Variants in TTLL5 observed in about 807,000 individuals in gnomAD.
TTLL5 encodes tubulin tyrosine ligase like 5.
In TTLL5, 132 loss-of-function variants were observed where a neutral mutation model predicts 168.4. That is an observed-to-expected ratio of 0.78 (90% CI 0.68 to 0.91). The LOEUF (loss-of-function observed/expected upper bound fraction) is 0.91, where lower values mean the gene tolerates loss of function less well. Among genes scored for constraint, TTLL5 ranks in the 40% least tolerant of loss-of-function variants. The pLI, the probability that TTLL5 is intolerant of heterozygous loss-of-function variation, is 0.00. For missense variants in TTLL5, 1,545 were observed against 1,581.5 expected (o/e 0.98, Z 0.39); for synonymous variants, 546 against 558.6 (o/e 0.98, Z 0.32).
intron 28 of TTLL5, among the ~76,000 whole-genome samples, chr14:75,847,194 G>C (rs932851578): frequency 6.6e-6 from 1 of 151,912 alleles, no homozygotes; most frequent in Non-Finnish European, 1.5e-5. Context: ...GTAGAGATGG[G>C]ATTTCACCAT....
At chr14:75,796,975 A>G (rs1002256060) in intron 27 of TTLL5, among the ~76,000 whole-genome samples, 30 of 151,736 alleles carry the variant, frequency 2.0e-4, no homozygotes, top group Non-Finnish European at 4.0e-4. Flanking sequence ...TGATGATGGT[A>G]TTAAATTGCA....
chr14:75,863,952 T>C, intron 29 of TTLL5, 90 bp downstream of exon 29: 2 of 1,214,454 alleles, frequency 1.6e-6, no homozygotes, highest in Non-Finnish European at 1.1e-6. Context: ...GAATGAGAAA[T>C]GTAGGATTAG....
chr14:75,809,105 C>T (rs1893828238), intron 27 of TTLL5, among the ~76,000 whole-genome samples: 1 of 151,934 alleles, frequency 6.6e-6, no homozygotes, highest in South Asian at 2.1e-4. Flanking sequence ...TGAAGTGATT[C>T]TTAACCTTTT....
intron 5 of TTLL5, chr14:75,684,958 A>G (rs916464126): frequency 6.6e-6 from 1 of 152,218 alleles, no homozygotes; most frequent in Admixed American, 6.5e-5. Context: ...TTTTCTGTAC[A>G]TACGTTAACT....
intron 12 of TTLL5, among the ~76,000 whole-genome samples, chr14:75,721,100 T>C (rs1419140501): frequency 6.6e-6 from 1 of 152,188 alleles, no homozygotes; most frequent in African/African-American, 2.4e-5. Context: ...CATTTTCCGA[T>C]GACTCCTCCT....
chr14:75,919,197 CAA>C (rs10655974), intron 31 of TTLL5, among the ~76,000 whole-genome samples: 13 of 56,104 alleles, frequency 2.3e-4, no homozygotes, highest in South Asian at 1.3e-3. Context: ...AAGACCGTCT[CAA>C]AAAAAAAAAA....
chr14:75,908,478 G>A (rs2140104770), intron 31 of TTLL5, among the ~76,000 whole-genome samples: 1 of 152,360 alleles, frequency 6.6e-6, no homozygotes, highest in South Asian at 2.1e-4. Context: ...GTCATCACCG[G>A]CCATGACAGT....
intron 31 of TTLL5, among the ~76,000 whole-genome samples, chr14:75,928,943 C>T (rs895145150): frequency 6.6e-6 from 1 of 152,184 alleles, no homozygotes; most frequent in Non-Finnish European, 1.5e-5. Context: ...CGGCATAAAT[C>T]CATTTTTCTT....
intron 5 of TTLL5, among the ~76,000 whole-genome samples, chr14:75,688,998 G>A (rs1006899952): frequency 6.6e-6 from 1 of 152,184 alleles, no homozygotes; most frequent in Middle Eastern, 3.2e-3. Context: ...AGTGTTGACT[G>A]GATTTAGTGA....
At chr14:75,790,712 GC>G (rs1892648435) in intron 26 of TTLL5, among the ~76,000 whole-genome samples, 1 of 151,540 alleles carries the variant, frequency 6.6e-6, no homozygotes, top group Non-Finnish European at 1.5e-5. Flanking sequence ...TGGCCCTCCT[GC>G]CTCAGCCTCC....
chr14:75,810,982 C>G (rs1173182533), intron 27 of TTLL5, among the ~76,000 whole-genome samples: 2 of 152,108 alleles, frequency 1.3e-5, no homozygotes, highest in African/African-American at 4.8e-5. Context: ...CTAAAGCAGT[C>G]CCTCCCTTGT....
intron 10 of TTLL5, among the ~76,000 whole-genome samples, chr14:75,719,036 T>G (rs142995644): frequency 6.6e-6 from 1 of 152,234 alleles, no homozygotes; most frequent in East Asian, 1.9e-4. Context: ...GGGATGGTGG[T>G]AGGGAGTGAG....
intron 28 of TTLL5, among the ~76,000 whole-genome samples, chr14:75,821,903 C>T (rs988528774): frequency 1.3e-5 from 2 of 152,294 alleles, no homozygotes; most frequent in Non-Finnish European, 1.5e-5. Flanking sequence ...TTTACCTCCT[C>T]TTCAAACACA....
At chr14:75,757,443 T>C (rs962213411) in intron 18 of TTLL5, among the ~76,000 whole-genome samples, 7 of 152,214 alleles carry the variant, frequency 4.6e-5, no homozygotes, top group Admixed American at 1.3e-4. Flanking sequence ...GTAAGCCCTT[T>C]AAGCTCCGGC....
chr14:75,804,293 G>A (rs1337365958), intron 27 of TTLL5, among the ~76,000 whole-genome samples: 1 of 152,216 alleles, frequency 6.6e-6, no homozygotes, highest in Non-Finnish European at 1.5e-5. Flanking sequence ...TTGATTCACA[G>A]CAGTTAAACT....
chr14:75,787,833 CAA>C (rs374657636), intron 26 of TTLL5, among the ~76,000 whole-genome samples: 57 of 152,054 alleles, frequency 3.7e-4, no homozygotes, highest in East Asian at 9.7e-4. Context: ...AAGTCAGTAA[CAA>C]AAAGATATAG....
In TTLL5 at chr14:75,745,124, G is replaced by A. The variant is rs372519578; in HGVS notation, c.1311G>A (p.Ala437=). ...QRCRPLSASD[A]EMKNLVGSAR... ...GCCGTCCACTCTCTGCCAGTGATGCGGAAATGAAAAACCTCGTGGGCTCAG... is the reference window on the plus strand; with the variant it reads ...GCCGTCCACTCTCTGCCAGTGATGCAGAAATGAAAAACCTCGTGGGCTCAG... Residue 437 remains alanine, a synonymous_variant, in exon 16 of 32, where the codon GCG becomes GCA. Transcript: ENST00000298832. The A allele has an allele frequency of 3.5e-5, 57 of 1,613,694 alleles. No individual in the cohort carries two copies. Among genetic ancestry groups the A allele is most frequent in the South Asian group, 5.5e-5 (5 of 91,052 alleles).
chr14:75,724,174 A>G (rs1286278494), intron 12 of TTLL5, among the ~76,000 whole-genome samples: 1 of 152,108 alleles, frequency 6.6e-6, no homozygotes, highest in Non-Finnish European at 1.5e-5. Context: ...CTTCCATCTT[A>G]TGGATCTCTG....
At chr14:75,761,447 A>T (rs1890644197) in intron 18 of TTLL5, among the ~76,000 whole-genome samples, 1 of 152,242 alleles carries the variant, frequency 6.6e-6, no homozygotes. Flanking sequence ...GAAACAACCT[A>T]AGTGTCCAAC....
Sources: gnomAD v4.1 joint callset for allele counts (sites outside exome capture counted in the v4.1 genomes callset) on GRCh38, gnomAD v4.1.1 for gene constraint, MANE v1.5 for transcripts, NCBI Gene and HGNC (gene_info 2026-07-23, HGNC 2026-07-21) for gene names.